PYM1: variants seen among roughly 807,000 people sequenced by gnomAD.
PYM1 encodes the protein PYM1 exon junction complex associated factor.
In PYM1, 7 loss-of-function variants were observed where a neutral mutation model predicts 20.7. The observed-to-expected ratio is 0.34, with a 90% CI of 0.19 to 0.64. PYM1 has a LOEUF of 0.64. Among genes scored for constraint, PYM1 ranks in the 30% least tolerant of loss-of-function variants. PYM1 has a pLI of 0.74. For synonymous variants in PYM1, 100 were observed against 99.2 expected (o/e 1.01, Z -0.05); for missense variants, 194 against 250.0 (o/e 0.78, Z 1.51).
chr12:55,912,666 T>G (rs1377782128), intron 1 of PYM1, among the ~76,000 whole-genome samples: 2 of 151,930 alleles, frequency 1.3e-5, no homozygotes, highest in Admixed American at 1.3e-4. Flanking sequence ...TACTCTCTGC[T>G]CTAGAAACAA....
chr12:55,908,439 A>G (rs1882863620), intron 1 of PYM1, among the ~76,000 whole-genome samples: 1 of 151,492 alleles, frequency 6.6e-6, no homozygotes, highest in South Asian at 2.1e-4. Context: ...AAAAAAAAAA[A>G]AAGAAGAAAG....
At chr12:55,904,932 T>C (rs1422804387) in intron 1 of PYM1, among the ~76,000 whole-genome samples, 1 of 152,010 alleles carries the variant, frequency 6.6e-6, no homozygotes, top group South Asian at 2.1e-4. Context: ...TCTAACTTTT[T>C]TTATTTCAGG....
chr12:55,925,731 C>T (rs1480992860), intron 1 of PYM1, among the ~76,000 whole-genome samples: 1 of 152,044 alleles, frequency 6.6e-6, no homozygotes, highest in African/African-American at 2.4e-5. Context: ...TTTTCTCTTC[C>T]ACATAGTCAC....
chr12:55,917,354 A>G (rs1385347009), intron 1 of PYM1, among the ~76,000 whole-genome samples: 1 of 151,900 alleles, frequency 6.6e-6, no homozygotes, highest in Non-Finnish European at 1.5e-5. Flanking sequence ...CAGGAGGCAG[A>G]GGTTGCAGGG....
At chr12:55,926,894 C>T (rs1883198539) in intron 1 of PYM1, among the ~76,000 whole-genome samples, 1 of 152,156 alleles carries the variant, frequency 6.6e-6, no homozygotes, top group African/African-American at 2.4e-5. Flanking sequence ...AGCAGAGACC[C>T]CAAACACGAG....
chr12:55,927,642 C>A, intron 1 of PYM1, 83 bp downstream of exon 1: 1 of 1,505,138 alleles, frequency 6.6e-7, no homozygotes, highest in Non-Finnish European at 8.9e-7. Context: ...AATTCGTGTG[C>A]CGATTGCTGT....
At chr12:55,907,841 A>G (rs1882851221) in intron 1 of PYM1, among the ~76,000 whole-genome samples, 1 of 152,034 alleles carries the variant, frequency 6.6e-6, no homozygotes. Context: ...CAGGAGGCTG[A>G]GGCAGGAAAA....
intron 1 of PYM1, among the ~76,000 whole-genome samples, chr12:55,915,308 T>C (rs1239480234): frequency 6.6e-6 from 1 of 151,660 alleles, no homozygotes; most frequent in Non-Finnish European, 1.5e-5. Flanking sequence ...AAAAAGGTTC[T>C]GGCTTTGGCA....
chr12:55,925,734 A>G (rs926116719), intron 1 of PYM1, among the ~76,000 whole-genome samples: 3 of 152,238 alleles, frequency 2.0e-5, no homozygotes, highest in Non-Finnish European at 4.4e-5. Context: ...TCTCTTCCAC[A>G]TAGTCACGGA....
chr12:55,922,299 T>A (rs969265646), intron 1 of PYM1, among the ~76,000 whole-genome samples: 1 of 152,004 alleles, frequency 6.6e-6, no homozygotes, highest in African/African-American at 2.4e-5. Context: ...ACAATATCTC[T>A]GCCAGATGAT....
chr12:55,926,944 G>T, intron 1 of PYM1: 1 of 953,120 alleles, frequency 1.0e-6, no homozygotes, highest in Non-Finnish European at 1.5e-6. Context: ...AGGAGAGAAT[G>T]AATGGGGAAG....
chr12:55,917,651 C>T (rs911326384), intron 1 of PYM1, among the ~76,000 whole-genome samples: 5 of 151,962 alleles, frequency 3.3e-5, no homozygotes, highest in South Asian at 4.2e-4. Context: ...TTATTAGAGG[C>T]GGGCACGGGT....
chr12:55,904,163 C>T (rs906843324), intron 1 of PYM1, among the ~76,000 whole-genome samples: 1 of 151,838 alleles, frequency 6.6e-6, no homozygotes. Context: ...AAATGGGTTT[C>T]GCCATGTCAG....
intron 1 of PYM1, among the ~76,000 whole-genome samples, chr12:55,923,939 G>T (rs1322501708): frequency 6.6e-6 from 1 of 152,058 alleles, no homozygotes; most frequent in African/African-American, 2.4e-5. Context: ...AGCCAAGCGT[G>T]GTGACATGTG....
At chr12:55,925,214 C>A (rs1183557067) in intron 1 of PYM1, among the ~76,000 whole-genome samples, 1 of 152,146 alleles carries the variant, frequency 6.6e-6, no homozygotes, top group Non-Finnish European at 1.5e-5. Context: ...ATCAAAGTGG[C>A]TGGTCACAGA....
intron 1 of PYM1, among the ~76,000 whole-genome samples, chr12:55,919,450 G>A (rs777272217): frequency 6.6e-6 from 1 of 151,952 alleles, no homozygotes. Context: ...CACCACTCCC[G>A]GCCTCTATTT....
intron 1 of PYM1, among the ~76,000 whole-genome samples, chr12:55,922,444 C>G (rs1195718687): frequency 6.7e-5 from 1 of 14,862 alleles, no homozygotes; most frequent in Non-Finnish European, 1.7e-4. Flanking sequence ...ACCATCTTTA[C>G]CAAAAAAAAA....
chr12:55,912,497 T>C (rs755119784), intron 1 of PYM1, among the ~76,000 whole-genome samples: 11 of 151,988 alleles, frequency 7.2e-5, no homozygotes, highest in Non-Finnish European at 1.0e-4. Flanking sequence ...GGCAGGAGAA[T>C]TGCTTGAACT....
chr12:55,922,069 G>C (rs1883107227), intron 1 of PYM1, among the ~76,000 whole-genome samples: 1 of 151,736 alleles, frequency 6.6e-6, no homozygotes, highest in Non-Finnish European at 1.5e-5. Flanking sequence ...TTGTAGATAA[G>C]AGGTCTTGCT....
Sources: gnomAD v4.1 joint callset for allele counts (sites outside exome capture counted in the v4.1 genomes callset) on GRCh38, gnomAD v4.1.1 for gene constraint, MANE v1.5 for transcripts, NCBI Gene and HGNC (gene_info 2026-07-23, HGNC 2026-07-21) for gene names.